Variants in DCAF4 observed in about 807,000 individuals in gnomAD.
DCAF4 encodes DDB1 and CUL4 associated factor 4.
A neutral mutation model predicts 60.9 loss-of-function variants in DCAF4; 37 were observed. That is an observed-to-expected ratio of 0.61 (90% CI 0.47 to 0.80). The LOEUF (loss-of-function observed/expected upper bound fraction) is 0.80, where lower values mean the gene tolerates loss of function less well. DCAF4 is among the 30% of genes least tolerant of loss of function. DCAF4 has a pLI of 0.00. For synonymous variants in DCAF4, 243 were observed against 254.8 expected (o/e 0.95, Z 0.44); for missense variants, 577 against 650.0 (o/e 0.89, Z 1.22).
rs1187215395 is a variant in DCAF4, at chr14:72,959,587, G to A, written c.*782G>A. On this transcript the variant is annotated 3_prime_UTR_variant, in exon 14 of 14. Transcript: ENST00000358377. Reference sequence around the variant, plus strand: ...GTAATCTAGGAGCGACAGTTCGTGAGATGTTTATTCAGTGTTAAAGAGCCT... The same window carrying A: ...GTAATCTAGGAGCGACAGTTCGTGAAATGTTTATTCAGTGTTAAAGAGCCT... 2 of 985,366 alleles carry A rather than the reference G, an allele frequency of 2.0e-6. No homozygotes were observed. Among genetic ancestry groups the A allele is most frequent in the African/African-American group, 3.5e-5 (2 of 57,228 alleles). 61.0% of individuals were successfully genotyped at this position (985,366 alleles called of 1,614,324 possible).
At position 72,959,597 on chromosome 14, in the gene DCAF4, C is replaced by G. The variant is rs1892711957; in HGVS notation, c.*792C>G. On this transcript the variant is annotated 3_prime_UTR_variant, in exon 14 of 14. Coordinates refer to ENST00000358377, the MANE Select transcript of DCAF4 (RefSeq NM_015604.4). ...AGCGACAGTTCGTGAGATGTTTATT[C>G]AGTGTTAAAGAGCCTGTTTTTCTAC... 1 of 985,306 alleles carries G rather than the reference C, an allele frequency of 1.0e-6. No homozygotes were observed. The allele number at this position is 985,306 out of a possible 1,614,324, so 61.0% of individuals were successfully genotyped here.
At chr14:72,941,484 C>T (rs527639550) in intron 4 of DCAF4, among the ~76,000 whole-genome samples, 1 of 152,180 alleles carries the variant, frequency 6.6e-6, no homozygotes, top group Admixed American at 6.5e-5. Context: ...CTGGTGGCTT[C>T]GTCCCCCCGG....
rs748215992 is a variant in DCAF4 at position 72,941,815 on chromosome 14, A to T, written c.422A>T (p.Asn141Ile). Residue 141 changes from asparagine (N) to isoleucine (I), a missense_variant, in exon 5 of 14, where the codon AAT becomes ATT. Transcript: ENST00000358377. ...CAGCTGGGTTTTCTCAACGTCACCA[A>T]TTACTGCCAGTAAGACAATGCCTCT... ...KSQLGFLNVTNYCHLAHELRL... is the reference protein window; with the variant it reads ...KSQLGFLNVTIYCHLAHELRL... The T allele has an allele frequency of 6.8e-6, 11 of 1,613,962 alleles. No individual in the cohort carries two copies. Among genetic ancestry groups the T allele is most frequent in the Non-Finnish European group, 9.3e-6 (11 of 1,179,942 alleles).
At chr14:72,952,914 C>T (rs750084617) in intron 9 of DCAF4, among the ~76,000 whole-genome samples, 15 of 148,734 alleles carry the variant, frequency 1.0e-4, no homozygotes, top group African/African-American at 3.2e-4. Flanking sequence ...AGGCTGGTCT[C>T]GAACTCCTGA....
At chr14:72,960,257 C>G (rs773081041), downstream of DCAF4, among the ~76,000 whole-genome samples, 1 of 151,194 alleles carries the variant, frequency 6.6e-6, no homozygotes, top group Non-Finnish European at 1.5e-5. Flanking sequence ...TCTAGTGATT[C>G]TCCTGCCTCA....
At chr14:72,947,595 G>A (rs372621310) in intron 8 of DCAF4, among the ~76,000 whole-genome samples, 2 of 152,240 alleles carry the variant, frequency 1.3e-5, no homozygotes, top group Admixed American at 6.5e-5. Context: ...GGCTGGTGTG[G>A]TAGCAGAGGA....
At chr14:72,936,262 G>C (rs979919879) in intron 1 of DCAF4, among the ~76,000 whole-genome samples, 1 of 152,084 alleles carries the variant, frequency 6.6e-6, no homozygotes, top group African/African-American at 2.4e-5. Context: ...TTAGGACAAT[G>C]AATAAGATAA....
At chr14:72,933,313 C>T (rs913810529) in intron 1 of DCAF4, among the ~76,000 whole-genome samples, 1 of 152,186 alleles carries the variant, frequency 6.6e-6, no homozygotes, top group Non-Finnish European at 1.5e-5. Context: ...GTAATCCCAG[C>T]ACTTTGGGAG....
intron 2 of DCAF4, among the ~76,000 whole-genome samples, chr14:72,938,682 A>G (rs963073412): frequency 7.2e-5 from 11 of 152,236 alleles, no homozygotes; most frequent in African/African-American, 2.4e-4. Flanking sequence ...AGAGGCAGTC[A>G]GTACACAGTG....
chr14:72,938,659 A>C (rs1185494119), intron 2 of DCAF4, among the ~76,000 whole-genome samples: 1 of 152,174 alleles, frequency 6.6e-6, no homozygotes, highest in Non-Finnish European at 1.5e-5. Context: ...ACAGCATGTG[A>C]CTACTGAATG....
rs988706795 is a variant in DCAF4, at chr14:72,943,218, ATCT to A, written c.534+127_534+129del. The A allele has an allele frequency of 5.9e-6, 5 of 847,232 alleles. No individual in the cohort carries two copies. The African/African-American group carries it at 8.5e-5, about 14-fold the overall frequency. The allele number at this position is 847,232 out of a possible 1,614,324, so 52.5% of individuals were successfully genotyped here. On this transcript the variant is annotated intron_variant, in intron 6 of 13. Transcript: ENST00000358377. ...GCCAACTGCAATGAAAGTAGGTGGC[ATCT>A]TCTTGGTTGTACGATTTTAACCTGC...
At chr14:72,933,536 G>A (rs1280511804) in intron 1 of DCAF4, among the ~76,000 whole-genome samples, 4 of 150,366 alleles carry the variant, frequency 2.7e-5, no homozygotes, top group Non-Finnish European at 5.9e-5. Flanking sequence ...TCCAGCCTGG[G>A]TGACAGAGCA....
chr14:72,933,356 C>G (rs1888822317), intron 1 of DCAF4, among the ~76,000 whole-genome samples: 1 of 152,084 alleles, frequency 6.6e-6, no homozygotes, highest in Non-Finnish European at 1.5e-5. Context: ...GTCAGGAGTT[C>G]GAGACCAGCC....
chr14:72,948,413 G>A (rs1891012471), intron 8 of DCAF4, among the ~76,000 whole-genome samples: 2 of 152,162 alleles, frequency 1.3e-5, no homozygotes, highest in Admixed American at 6.5e-5. Flanking sequence ...ATTTATATAA[G>A]GCATCAAACT....
intron 13 of DCAF4, 85 bp downstream of exon 13, chr14:72,956,585 A>G: frequency 7.6e-7 from 1 of 1,322,830 alleles, no homozygotes; most frequent in Non-Finnish European, 1.1e-6. Flanking sequence ...GCAGAGGGAA[A>G]AGTTACCCCA....
intron 1 of DCAF4, among the ~76,000 whole-genome samples, chr14:72,933,353 G>T (rs1338035113): frequency 1.3e-5 from 2 of 152,184 alleles, no homozygotes; most frequent in Non-Finnish European, 2.9e-5. Flanking sequence ...AAGGTCAGGA[G>T]TTCGAGACCA....
intron 1 of DCAF4, chr14:72,935,217 T>TA (rs1238668574): frequency 2.0e-5 from 3 of 152,098 alleles, no homozygotes; most frequent in Non-Finnish European, 4.4e-5. Context: ...TTTAAACTCT[T>TA]ACTGTATTTG....
chr14:72,953,782 T>G (rs796741895), intron 9 of DCAF4, among the ~76,000 whole-genome samples: 589 of 41,056 alleles, frequency 0.014, 21 homozygotes, highest in Non-Finnish European at 0.02. Context: ...ATTTATTTAT[T>G]TGTGTGTGTG....
In DCAF4 at chr14:72,939,376, A is replaced by G. The variant is rs187564704; in HGVS notation, c.93-426A>G. Among the ~76,000 whole-genome samples the G allele has an allele frequency of 2.0e-5, 3 of 152,310 alleles. No homozygotes were observed. In the East Asian group the frequency reaches 5.8e-4, roughly 29 times the overall value. On this transcript the variant is annotated intron_variant, in intron 2 of 13. Coordinates refer to ENST00000358377, the MANE Select transcript of DCAF4 (RefSeq NM_015604.4). ...AGTTTCTCTGTCTGTAAGATTGTGT[A>G]GTCAAGTAAAATTTAAACTCTTTGT...
Sources: gnomAD v4.1 joint callset for allele counts (sites outside exome capture counted in the v4.1 genomes callset) on GRCh38, gnomAD v4.1.1 for gene constraint, MANE v1.5 for transcripts, NCBI Gene and HGNC (gene_info 2026-07-23, HGNC 2026-07-21) for gene names.